Variants in GRM5 observed in about 807,000 individuals in gnomAD.
The protein encoded by GRM5 is glutamate metabotropic receptor 5, also known as metabotropic glutamate receptor 5.
A neutral mutation model predicts 83.1 loss-of-function variants in GRM5; 19 were observed. That is an observed-to-expected ratio of 0.23 (90% CI 0.16 to 0.34). The LOEUF is 0.34. GRM5 is among the 10% of genes least tolerant of loss of function. GRM5 has a pLI of 1.00. For synonymous variants in GRM5, 675 were observed against 633.6 expected (o/e 1.07, Z -0.98); for missense variants, 1,160 against 1,588.3 (o/e 0.73, Z 4.58).
intron 2 of GRM5, among the ~76,000 whole-genome samples, chr11:88,895,065 A>G (rs1410250787): frequency 6.6e-6 from 1 of 151,992 alleles, no homozygotes; most frequent in African/African-American, 2.4e-5. Flanking sequence ...TAAAATATAC[A>G]TATTACTGGA....
chr11:88,542,508 G>A (rs185492214), intron 8 of GRM5, among the ~76,000 whole-genome samples: 1 of 152,262 alleles, frequency 6.6e-6, no homozygotes, highest in Admixed American at 6.5e-5. Context: ...GAGGGGTATT[G>A]ATGATCCTGT....
In GRM5 at chr11:88,862,507, T is replaced by C. The variant is rs180770415; in HGVS notation, c.662-12352A>G. 2.1e-3 allele frequency among the ~76,000 whole-genome samples: 325 copies of C among 152,258 alleles called. 2 individuals carry two copies. The highest frequency in any genetic ancestry group is 0.017 in the Middle Eastern group (5 of 294). On this transcript the variant is annotated intron_variant, in intron 2 of 9. Coordinates refer to ENST00000305447, the MANE Select transcript of GRM5 (RefSeq NM_001143831.3). Reference sequence around the variant, plus strand: ...TAAATTCAAATAGAATAAATGTCAATAGATATATCCACTGCATATTTCTAT... The same window carrying C: ...TAAATTCAAATAGAATAAATGTCAACAGATATATCCACTGCATATTTCTAT...
intron 8 of GRM5, among the ~76,000 whole-genome samples, chr11:88,560,749 T>C (rs1231987022): frequency 6.6e-6 from 1 of 152,114 alleles, no homozygotes; most frequent in East Asian, 1.9e-4. Context: ...CCAAGGGAGA[T>C]ATAAATACGC....
intron 2 of GRM5, among the ~76,000 whole-genome samples, chr11:88,929,251 A>G (rs1314134855): frequency 2.6e-5 from 4 of 152,070 alleles, no homozygotes; most frequent in Non-Finnish European, 5.9e-5. Context: ...TTATCATTTA[A>G]AGAAAATTAT....
intron 2 of GRM5, among the ~76,000 whole-genome samples, chr11:88,987,118 G>A (rs1047118556): frequency 2.0e-5 from 3 of 152,092 alleles, no homozygotes; most frequent in African/African-American, 7.2e-5. Flanking sequence ...TCACTAGGGA[G>A]TGCCAGACAG....
intron 2 of GRM5, among the ~76,000 whole-genome samples, chr11:88,951,251 CT>C (rs2135679428): frequency 6.6e-6 from 1 of 152,316 alleles, no homozygotes; most frequent in African/African-American, 2.4e-5. Flanking sequence ...AGAACAGTCT[CT>C]GCTTTTACAA....
intron 2 of GRM5, among the ~76,000 whole-genome samples, chr11:88,927,941 C>A (rs930369332): frequency 3.9e-5 from 6 of 151,954 alleles, no homozygotes; most frequent in South Asian, 4.2e-4. Context: ...TTTAAAAAGC[C>A]CCCCCAGTCA....
At chr11:88,666,857 T>C (rs1349544309) in intron 3 of GRM5, among the ~76,000 whole-genome samples, 3 of 152,290 alleles carry the variant, frequency 2.0e-5, no homozygotes, top group African/African-American at 7.2e-5. Flanking sequence ...CTCTACAATT[T>C]TTATACATGT....
chr11:88,716,939 C>T (rs549815109), intron 3 of GRM5, among the ~76,000 whole-genome samples: 1 of 152,050 alleles, frequency 6.6e-6, no homozygotes, highest in African/African-American at 2.4e-5. Context: ...ATTTGGTTTG[C>T]TTTGCACTTT....
chr11:88,912,255 G>T (rs1329913986), intron 2 of GRM5, among the ~76,000 whole-genome samples: 1 of 151,730 alleles, frequency 6.6e-6, no homozygotes, highest in Non-Finnish European at 1.5e-5. Context: ...CTAAAATAAT[G>T]ATAATGCAAC....
At chr11:88,839,051 T>C (rs939449995) in intron 3 of GRM5, among the ~76,000 whole-genome samples, 2 of 152,184 alleles carry the variant, frequency 1.3e-5, no homozygotes, top group African/African-American at 4.8e-5. Flanking sequence ...ATCTTCTCAG[T>C]TGGTTTCCTC....
intron 2 of GRM5, among the ~76,000 whole-genome samples, chr11:88,871,972 A>G (rs1944775673): frequency 1.3e-5 from 2 of 151,192 alleles, no homozygotes; most frequent in African/African-American, 4.9e-5. Flanking sequence ...AAATGTTAGG[A>G]AAAAAAACAG....
intron 2 of GRM5, among the ~76,000 whole-genome samples, chr11:89,020,676 CT>C (rs927059658): frequency 2.0e-5 from 3 of 152,168 alleles, no homozygotes; most frequent in African/African-American, 7.2e-5. Flanking sequence ...TCATGCCTAT[CT>C]GGTTTTTGAT....
At chr11:88,918,228 C>CA (rs1945628783) in intron 2 of GRM5, among the ~76,000 whole-genome samples, 1 of 149,924 alleles carries the variant, frequency 6.7e-6, no homozygotes. Context: ...AACAAACAAA[C>CA]AAAAAAATCT....
chr11:88,759,349 C>A (rs1288193682), intron 3 of GRM5, among the ~76,000 whole-genome samples: 1 of 152,030 alleles, frequency 6.6e-6, no homozygotes, highest in Non-Finnish European at 1.5e-5. Flanking sequence ...GGCAATGACA[C>A]ACAAAGGTTC....
Position 88,531,594 on chromosome 11 carries a change from G to A in GRM5, c.2631-6190C>T, listed in dbSNP as rs180917570. Among the ~76,000 whole-genome samples, 543 of 152,218 alleles carry A rather than the reference G, an allele frequency of 3.6e-3. 4 individuals are homozygous for A. The highest frequency in any genetic ancestry group is 0.012 in the African/African-American group (482 of 41,548). On this transcript the variant is annotated intron_variant, in intron 8 of 9. Transcript: ENST00000305447. ...TATCCCATGGCATACTTAGAGACAT[G>A]TTTTCTCATAGAAATTGCAGACTCT...
chr11:89,032,770 C>A (rs1216386579), intron 2 of GRM5, among the ~76,000 whole-genome samples: 4 of 152,048 alleles, frequency 2.6e-5, no homozygotes, highest in Non-Finnish European at 5.9e-5. Context: ...TATTTAAACT[C>A]AAGTGTATCT....
rs368532335 is a variant in GRM5, at chr11:89,023,769, G to A, written c.661+23443C>T. On this transcript the variant is annotated intron_variant, in intron 2 of 9. Transcript: ENST00000305447. ...GGAGGCTGAGGCAGGAGAATTGCTTGAACCCAGGAGGCGGAGGTTGCAGTG... is the reference window on the plus strand; with the variant it reads ...GGAGGCTGAGGCAGGAGAATTGCTTAAACCCAGGAGGCGGAGGTTGCAGTG... 1.2e-3 allele frequency among the ~76,000 whole-genome samples: 181 copies of A among 151,930 alleles called. 1 individual carries two copies. Among genetic ancestry groups the A allele is most frequent in the South Asian group, 0.011 (54 of 4,796 alleles).
intron 2 of GRM5, among the ~76,000 whole-genome samples, chr11:88,969,279 A>G (rs1316438651): frequency 6.6e-6 from 1 of 152,134 alleles, no homozygotes; most frequent in Non-Finnish European, 1.5e-5. Context: ...CTGGAAAAAT[A>G]AGATGCAAGT....
Sources: allele counts gnomAD v4.1 joint callset (sites outside exome capture counted in the v4.1 genomes callset), GRCh38; gene constraint gnomAD v4.1.1; transcripts MANE v1.5; gene names NCBI Gene and HGNC (gene_info 2026-07-23, HGNC 2026-07-21).